CLNK: variants seen among roughly 807,000 people sequenced by gnomAD.
CLNK encodes the protein cytokine-dependent hematopoietic cell linker.
In CLNK, 74 loss-of-function variants were observed where a neutral mutation model predicts 68.6. That is an observed-to-expected ratio of 1.08 (90% CI 0.89 to 1.31). The LOEUF (loss-of-function observed/expected upper bound fraction) is 1.31. Ranked by LOEUF, CLNK falls within the 50% of genes most tolerant of loss-of-function variation. The probability of loss-of-function intolerance (pLI) is 0.00; values close to 1 mark genes in which losing one functional copy is unlikely to be tolerated. For synonymous variants in CLNK, 198 were observed against 172.2 expected (o/e 1.15, Z -1.17); for missense variants, 553 against 515.3 (o/e 1.07, Z -0.71).
intron 7 of CLNK, among the ~76,000 whole-genome samples, chr4:10,562,163 C>A (rs1719920761): frequency 7.1e-6 from 1 of 141,336 alleles, no homozygotes; most frequent in Non-Finnish European, 1.5e-5. Context: ...TGCAGTGGTG[C>A]TATCTCAGCT....
At chr4:10,633,744 C>T (rs1577185095) in intron 2 of CLNK, among the ~76,000 whole-genome samples, 1 of 152,306 alleles carries the variant, frequency 6.6e-6, no homozygotes, top group East Asian at 1.9e-4. Flanking sequence ...CAGAATCTGT[C>T]ACTCATAATG....
chr4:10,708,468 G>A, the CLNK span, among the ~76,000 whole-genome samples: 10 of 152,128 alleles, frequency 6.6e-5, no homozygotes, highest in African/African-American at 2.4e-4. Context: ...ATCAGTGGCA[G>A]AGCTGGAGTC....
chr4:10,659,718 C>T (rs758594542), intron 2 of CLNK, among the ~76,000 whole-genome samples: 2 of 152,188 alleles, frequency 1.3e-5, no homozygotes, highest in Non-Finnish European at 2.9e-5. Context: ...CTTCTTTCCT[C>T]TTATTTGTGA....
At chr4:10,580,445 C>A (rs574716333) in intron 4 of CLNK, among the ~76,000 whole-genome samples, 1 of 152,110 alleles carries the variant, frequency 6.6e-6, no homozygotes, top group South Asian at 2.1e-4. Flanking sequence ...CAGGCCCTTT[C>A]GGAGGGATTC....
At chr4:10,633,362 T>A (rs1722961305) in intron 2 of CLNK, among the ~76,000 whole-genome samples, 1 of 152,246 alleles carries the variant, frequency 6.6e-6, no homozygotes. Flanking sequence ...ACCATCTTCA[T>A]CAGCTTTGTT....
chr4:10,551,917 G>T (rs115504979), intron 8 of CLNK, among the ~76,000 whole-genome samples: 1 of 149,900 alleles, frequency 6.7e-6, no homozygotes, highest in African/African-American at 2.5e-5. Context: ...GCATGATGTC[G>T]TCTCACTGCA....
chr4:10,523,196 A>G (rs1718152869), intron 14 of CLNK, among the ~76,000 whole-genome samples: 2 of 152,232 alleles, frequency 1.3e-5, no homozygotes, highest in African/African-American at 4.8e-5. Flanking sequence ...GATGGGAAAG[A>G]GAGCTTACTG....
intron 2 of CLNK, among the ~76,000 whole-genome samples, chr4:10,613,440 C>A (rs541639629): frequency 6.6e-6 from 1 of 152,138 alleles, no homozygotes; most frequent in Non-Finnish European, 1.5e-5. Context: ...GGAATGCCTG[C>A]AGGGATGGAT....
At position 10,489,525 on chromosome 4, in the gene CLNK, C is replaced by T. The variant is rs1716477737; in HGVS notation, c.*942G>A. Reference sequence around the variant, plus strand: ...TGATGCTGGAGGCTGGTCCCATGACCGTTTCACACCCTAGTCAGAGGATTT... The same window carrying T: ...TGATGCTGGAGGCTGGTCCCATGACTGTTTCACACCCTAGTCAGAGGATTT... On this transcript the variant is annotated 3_prime_UTR_variant, in exon 19 of 19. Coordinates refer to ENST00000226951, the MANE Select transcript of CLNK (RefSeq NM_052964.4). The T allele has an allele frequency of 6.6e-6, 1 of 152,100 alleles. No individual in the cohort carries two copies. Among genetic ancestry groups the T allele is most frequent in the Non-Finnish European group, 1.5e-5 (1 of 68,044 alleles). 9.4% of individuals were successfully genotyped at this position (152,100 alleles called of 1,614,324 possible).
At chr4:10,645,655 C>T (rs953169822) in intron 2 of CLNK, among the ~76,000 whole-genome samples, 2 of 152,078 alleles carry the variant, frequency 1.3e-5, no homozygotes, top group Non-Finnish European at 2.9e-5. Flanking sequence ...CACATATGCA[C>T]ACATAGATAA....
intron 14 of CLNK, among the ~76,000 whole-genome samples, chr4:10,525,165 C>T (rs1317035976): frequency 2.6e-5 from 4 of 152,116 alleles, no homozygotes; most frequent in Admixed American, 6.5e-5. Flanking sequence ...CCCGGGTTCA[C>T]GCCATTCTCC....
chr4:10,701,774 G>A, the CLNK span, among the ~76,000 whole-genome samples: 1 of 152,196 alleles, frequency 6.6e-6, no homozygotes, highest in African/African-American at 2.4e-5. Flanking sequence ...AGGTGATATG[G>A]GGTCGCCAAA....
chr4:10,586,704 C>G (rs1028959238), intron 3 of CLNK, among the ~76,000 whole-genome samples: 1 of 152,116 alleles, frequency 6.6e-6, no homozygotes, highest in East Asian at 1.9e-4. Flanking sequence ...TACTCAGTAG[C>G]TTTCTGGATG....
chr4:10,590,015 C>T (rs1721127405), intron 3 of CLNK, among the ~76,000 whole-genome samples: 1 of 152,200 alleles, frequency 6.6e-6, no homozygotes, highest in African/African-American at 2.4e-5. Flanking sequence ...CCTATCTCTG[C>T]TCCCCTCCAC....
At chr4:10,571,653 A>C in intron 5 of CLNK, 88 bp downstream of exon 5, 1 of 1,116,814 alleles carries the variant, frequency 9.0e-7, no homozygotes, top group Non-Finnish European at 1.3e-6. Flanking sequence ...GTTGATTTTT[A>C]AACATTTTAC....
intron 2 of CLNK, among the ~76,000 whole-genome samples, chr4:10,621,102 A>G (rs192286880): frequency 1.3e-5 from 2 of 152,304 alleles, no homozygotes; most frequent in Admixed American, 1.3e-4. Context: ...TCTCGAAAAC[A>G]GAAAAACAAG....
At chr4:10,733,546 G>A in the CLNK span, among the ~76,000 whole-genome samples, 2 of 152,188 alleles carry the variant, frequency 1.3e-5, no homozygotes, top group Non-Finnish European at 2.9e-5. Context: ...GTGTTTCAAA[G>A]TGCCTAGCAC....
chr4:10,616,800 A>G (rs1376134831), intron 2 of CLNK, among the ~76,000 whole-genome samples: 2 of 78,424 alleles, frequency 2.6e-5, no homozygotes, highest in African/African-American at 1.0e-4. Context: ...GTATATATAT[A>G]TATATATATA....
At chr4:10,711,487 CTG>C in the CLNK span, among the ~76,000 whole-genome samples, 2 of 152,152 alleles carry the variant, frequency 1.3e-5, no homozygotes, top group Admixed American at 1.3e-4. Flanking sequence ...TCAGAGAACA[CTG>C]AGAGTCTTAG....
Sources: allele counts gnomAD v4.1 joint callset (sites outside exome capture counted in the v4.1 genomes callset), GRCh38; gene constraint gnomAD v4.1.1; transcripts MANE v1.5; gene names NCBI Gene and HGNC (gene_info 2026-07-23, HGNC 2026-07-21).